The following NBAS variants were observed in gnomAD, a reference collection of about 807,000 sequenced individuals.
NBAS encodes the protein NBAS subunit of NRZ tethering complex.
In NBAS, 219 loss-of-function variants were observed where a neutral mutation model predicts 302.5. The observed-to-expected ratio is 0.72, with a 90% CI of 0.65 to 0.81. The LOEUF is 0.81. Among genes scored for constraint, NBAS ranks in the 30% least tolerant of loss-of-function variants. The pLI is 0.00. For synonymous variants in NBAS, 1,118 were observed against 1,021.6 expected (o/e 1.09, Z -1.80); for missense variants, 2,932 against 2,841.6 (o/e 1.03, Z -0.72).
chr2:15,257,684 C>A (rs1191200919), intron 44 of NBAS, among the ~76,000 whole-genome samples: 1 of 152,160 alleles, frequency 6.6e-6, no homozygotes, highest in East Asian at 1.9e-4. Flanking sequence ...CAATGCTGTG[C>A]TTTCAACACA....
chr2:15,533,598 A>C (rs1663329009), intron 9 of NBAS, among the ~76,000 whole-genome samples: 1 of 152,176 alleles, frequency 6.6e-6, no homozygotes, highest in African/African-American at 2.4e-5. Context: ...AATCATATAC[A>C]CAAAACTCAG....
chr2:14,990,941 G>A, the NBAS span, among the ~76,000 whole-genome samples: 1 of 152,198 alleles, frequency 6.6e-6, no homozygotes, highest in Non-Finnish European at 1.5e-5. Context: ...AGAGACATGG[G>A]AGGGACTAAA....
intron 28 of NBAS, among the ~76,000 whole-genome samples, chr2:15,389,250 T>C (rs376732033): frequency 6.6e-6 from 1 of 152,246 alleles, no homozygotes; most frequent in Non-Finnish European, 1.5e-5. Context: ...AACCAGCTTA[T>C]GTAATACAAC....
the NBAS span, among the ~76,000 whole-genome samples, chr2:15,120,039 T>A: frequency 6.6e-6 from 1 of 152,138 alleles, no homozygotes; most frequent in Non-Finnish European, 1.5e-5. Context: ...CTGTTCCTAG[T>A]TCTGATGGCC....
intron 43 of NBAS, among the ~76,000 whole-genome samples, chr2:15,276,170 T>C (rs1669574908): frequency 6.6e-6 from 1 of 152,202 alleles, no homozygotes; most frequent in South Asian, 2.1e-4. Context: ...TTCTTTGTTA[T>C]TTATCTGGCA....
intron 34 of NBAS, 49 bp from the exon 35 acceptor site, chr2:15,352,130 G>A (rs1426693850): frequency 1.5e-6 from 2 of 1,320,444 alleles, no homozygotes; most frequent in African/African-American, 1.4e-5. Context: ...TTTTAAATTT[G>A]CTTCTCATCA....
At chr2:15,313,302 T>C (rs552881212) in intron 38 of NBAS, among the ~76,000 whole-genome samples, 1 of 152,334 alleles carries the variant, frequency 6.6e-6, no homozygotes, top group African/African-American at 2.4e-5. Context: ...ATTTTAAAAA[T>C]ATATGCTCTG....
In NBAS at chr2:15,411,819, G is replaced by T. The variant is rs148891557; in HGVS notation, c.2937+3727C>A. ...TATATCTGGATTGAGCATAGAAAAT[G>T]CTAAGAAAAAATGCACATGGTTCTG... On this transcript the variant is annotated intron_variant, in intron 25 of 51. Coordinates refer to ENST00000281513, the MANE Select transcript of NBAS (RefSeq NM_015909.4). 5.3e-5 allele frequency among the ~76,000 whole-genome samples: 8 copies of T among 152,232 alleles called. No homozygotes were observed. In the East Asian group the frequency reaches 1.4e-3, roughly 26 times the overall value.
In NBAS at chr2:15,328,289, A is replaced by T; in HGVS notation, c.4371T>A (p.Tyr1457Ter). 1.2e-6 allele frequency: 2 copies of T among 1,613,894 alleles called. No homozygotes were observed. The highest frequency in any genetic ancestry group is 1.7e-6 in the Non-Finnish European group (2 of 1,179,896). Residue 1457 changes from tyrosine to a stop codon, truncating the protein, a stop_gained, in exon 37 of 52, where the codon TAT (tyrosine) becomes TAA (stop). Coordinates refer to ENST00000281513, the MANE Select transcript of NBAS (RefSeq NM_015909.4). LOFTEE classifies it high-confidence loss of function. The stretch of plus-strand genomic sequence containing the variant: ...CTTCATTGGCTGTAGTTCCGATTTG[A>T]TATGCACCACCACATTTTTGCCCCT... ...PLQGQKCGGA[Y>*]QIGTTANEDL...
In NBAS at chr2:15,238,612, C is replaced by T. The variant is rs757606632; in HGVS notation, c.5799G>A (p.Arg1933=). 92 of 1,613,396 alleles carry T rather than the reference C, an allele frequency of 5.7e-5. No individual in the cohort carries two copies. Among genetic ancestry groups the T allele is most frequent in the Non-Finnish European group, 7.5e-5 (89 of 1,179,916 alleles). Residue 1933 remains arginine (R), a synonymous_variant, in exon 45 of 52, where the codon AGG becomes AGA. Transcript: ENST00000281513. ...GAGCTTCGTCTTCTGAGTTTCTTTT[C>T]CTTGGCTTCTCAATAAAATGTTTGA... ...KTVKHFIEKP[R]KRNSEDEAQE...
Position 15,210,047 on chromosome 2 carries a change from C to G in NBAS, c.6432+8726G>C, listed in dbSNP as rs911304975. Among the ~76,000 whole-genome samples, 47 of 152,022 alleles carry G rather than the reference C, an allele frequency of 3.1e-4. 1 individual carries two copies. Among genetic ancestry groups the G allele is most frequent in the Admixed American group, 3.1e-3 (47 of 15,244 alleles). ...TAAAAGGAAACATTGAGGAAACTCT[C>G]CAGAACACTGGACTGGACAAAGATT... On this transcript the variant is annotated intron_variant, in intron 48 of 51. Coordinates refer to ENST00000281513, the MANE Select transcript of NBAS (RefSeq NM_015909.4).
intron 21 of NBAS, among the ~76,000 whole-genome samples, chr2:15,452,393 A>G (rs1452978559): frequency 1.3e-5 from 2 of 151,800 alleles, no homozygotes; most frequent in Non-Finnish European, 2.9e-5. Context: ...CAGGAGATCA[A>G]GACCATCCTG....
At chr2:15,200,243 T>C (rs746138149) in intron 48 of NBAS, among the ~76,000 whole-genome samples, 2 of 152,138 alleles carry the variant, frequency 1.3e-5, no homozygotes, top group African/African-American at 2.4e-5. Context: ...GTCTATAGAC[T>C]AGACAGGACA....
At chr2:15,410,730 C>T (rs142010321) in intron 25 of NBAS, among the ~76,000 whole-genome samples, 1 of 152,300 alleles carries the variant, frequency 6.6e-6, no homozygotes. Context: ...TAATTTAATG[C>T]CTTTTCACAA....
chr2:14,984,502 T>C, the NBAS span, among the ~76,000 whole-genome samples: 1 of 152,234 alleles, frequency 6.6e-6, no homozygotes, highest in Non-Finnish European at 1.5e-5. Context: ...CTGACTTAGT[T>C]GGGAAATAAG....
the NBAS span, among the ~76,000 whole-genome samples, chr2:14,817,096 C>T: frequency 2.4e-3 from 367 of 152,284 alleles, no homozygotes; most frequent in African/African-American, 8.1e-3. Context: ...TTTCATTAAG[C>T]CACCTGTTAC....
At chr2:15,538,415 C>G (rs983388607) in intron 7 of NBAS, 4 of 389,736 alleles carry the variant, frequency 1.0e-5, no homozygotes, top group South Asian at 8.0e-5. Flanking sequence ...GTTTTCAACC[C>G]TAGCTTCTCA....
At chr2:15,024,631 T>A in the NBAS span, among the ~76,000 whole-genome samples, 117,031 of 151,932 alleles carry the variant, frequency 0.77, 45,341 homozygotes, top group East Asian at 1. Flanking sequence ...TAACATCTGT[T>A]ATTTTTTGAC....
rs576091538 is a variant in NBAS at position 15,400,385 on chromosome 2, T to C, written c.3071+1783A>G. ...ACAGAGAGTTGTATTAAAAGGAAAA[T>C]AAATCACACCTAGTTCCGCAGTATA... On this transcript the variant is annotated intron_variant, in intron 26 of 51. Transcript: ENST00000281513. Among the ~76,000 whole-genome samples the C allele has an allele frequency of 2.6e-5, 4 of 151,974 alleles. No individual in the cohort carries two copies. The South Asian group carries it at 8.3e-4, about 32-fold the overall frequency.
Sources: allele counts gnomAD v4.1 joint callset (sites outside exome capture counted in the v4.1 genomes callset), GRCh38; gene constraint gnomAD v4.1.1; transcripts MANE v1.5; gene names NCBI Gene and HGNC (gene_info 2026-07-23, HGNC 2026-07-21).